GSG1L: variants seen among roughly 807,000 people sequenced by gnomAD.
The protein encoded by GSG1L is GSG1 like, also known as germ cell-specific gene 1-like protein.
GSG1L carries 24 observed loss-of-function variants against 42.1 expected under a neutral mutation model. That is an observed-to-expected ratio of 0.57 (90% CI 0.41 to 0.80). GSG1L has a LOEUF of 0.80. Ranked by LOEUF, GSG1L falls within the 30% of genes least tolerant of loss-of-function variation. GSG1L has a pLI of 0.00. For missense variants in GSG1L, 445 were observed against 472.2 expected (o/e 0.94, Z 0.53); for synonymous variants, 215 against 203.5 (o/e 1.06, Z -0.48).
rs60746199 is a variant in GSG1L at position 27,891,884 on chromosome 16, C to CTTTTTTTTTTT, written c.398-7257_398-7247dup. Among the ~76,000 whole-genome samples, 13 of 74,346 alleles carry CTTTTTTTTTTT rather than the reference C, an allele frequency of 1.7e-4. 4 individuals are homozygous for CTTTTTTTTTTT. The highest frequency in any genetic ancestry group is 7.9e-5 in the Non-Finnish European group (3 of 37,956). The allele number at this position is 74,346 out of a possible 152,430, so 48.8% of individuals were successfully genotyped here. ...TCTGCAGGTACCGTCAGTGACAGAT[C>CTTTTTTTTTTT]TTTTTTTTTTTTTTTTTTTTTTTTA... On this transcript the variant is annotated intron_variant, in intron 2 of 6. Transcript: ENST00000447459.
chr16:27,861,093 TTCGG>T (rs1424132841), intron 3 of GSG1L, among the ~76,000 whole-genome samples: 1 of 152,150 alleles, frequency 6.6e-6, no homozygotes, highest in Non-Finnish European at 1.5e-5. Context: ...GAGGGCCGGG[TTCGG>T]TGGTTCATGC....
chr16:27,832,485 T>C (rs1378239683), intron 4 of GSG1L, among the ~76,000 whole-genome samples: 1 of 152,204 alleles, frequency 6.6e-6, no homozygotes, highest in Non-Finnish European at 1.5e-5. Context: ...ATGTATGGGA[T>C]TGGCTTTTTT....
intron 3 of GSG1L, among the ~76,000 whole-genome samples, chr16:27,859,776 A>G (rs2083620809): frequency 6.6e-6 from 1 of 152,122 alleles, no homozygotes; most frequent in African/African-American, 2.4e-5. Flanking sequence ...CCTGGGCTCA[A>G]GTGATCCTCC....
intron 2 of GSG1L, among the ~76,000 whole-genome samples, chr16:27,895,715 G>A (rs1259123078): frequency 6.6e-6 from 1 of 151,988 alleles, no homozygotes; most frequent in Non-Finnish European, 1.5e-5. Context: ...GTCCCAGAGA[G>A]GGCGAGTGAG....
rs79406334 is a variant in GSG1L, at chr16:27,950,574, G to A, written c.397+12582C>T. On this transcript the variant is annotated intron_variant, in intron 2 of 6. Transcript: ENST00000447459. ...CCAGGTGTGTTTCTCAAGCAAATGC[G>A]TCTCGAGGGATGGCTGAGAAGGAAG... is the stretch of plus-strand genomic sequence containing the variant. Among the ~76,000 whole-genome samples, 27 of 152,158 alleles carry A rather than the reference G, an allele frequency of 1.8e-4. No homozygotes were observed. In the East Asian group the frequency reaches 3.5e-3, roughly 20 times the overall value.
chr16:28,044,951 G>A (rs1296336729), intron 1 of GSG1L, among the ~76,000 whole-genome samples: 1 of 152,152 alleles, frequency 6.6e-6, no homozygotes, highest in Admixed American at 6.6e-5. Flanking sequence ...AAATGAAAAA[G>A]CTAGTCTGAA....
chr16:27,856,459 T>C (rs2083578990), intron 3 of GSG1L, among the ~76,000 whole-genome samples: 1 of 151,976 alleles, frequency 6.6e-6, no homozygotes, highest in Admixed American at 6.6e-5. Flanking sequence ...GACCACAAGG[T>C]GCTCACCACC....
At chr16:27,872,130 C>T (rs1299315180) in intron 3 of GSG1L, among the ~76,000 whole-genome samples, 1 of 152,174 alleles carries the variant, frequency 6.6e-6, no homozygotes, top group Non-Finnish European at 1.5e-5. Flanking sequence ...CCTCTGCTGC[C>T]GTATTCCCTG....
rs1201939276 is a variant in GSG1L, at chr16:27,884,044, A to C, written c.550+442T>G. 6.6e-6 allele frequency among the ~76,000 whole-genome samples: 1 copy of C among 152,216 alleles called. No individual in the cohort carries two copies. The highest frequency in any genetic ancestry group is 2.4e-5 in the African/African-American group (1 of 41,448). On this transcript the variant is annotated intron_variant, in intron 3 of 6. Coordinates refer to ENST00000447459, the MANE Select transcript of GSG1L (RefSeq NM_001109763.2). This position sits in a 1 kb window ranked among gnomAD's most constrained non-coding sequence, Gnocchi z 4.4. ...GGAGTTCTCAAAGCCAGATGAGCTC[A>C]GGAAGAGGAGCGACGTGCCCTCCAC...
chr16:27,984,289 A>G (rs907795924), intron 1 of GSG1L, among the ~76,000 whole-genome samples: 3 of 152,134 alleles, frequency 2.0e-5, no homozygotes, highest in African/African-American at 7.2e-5. Flanking sequence ...ACTGCAGAAC[A>G]TGTAGCAATC....
At chr16:27,876,504 C>A (rs917123820) in intron 3 of GSG1L, among the ~76,000 whole-genome samples, 5 of 152,188 alleles carry the variant, frequency 3.3e-5, no homozygotes, top group Non-Finnish European at 7.3e-5. Flanking sequence ...CACATTCACT[C>A]CTAAAAGGCA....
intron 1 of GSG1L, among the ~76,000 whole-genome samples, chr16:27,963,795 C>T (rs1352686383): frequency 6.6e-6 from 1 of 152,138 alleles, no homozygotes; most frequent in Non-Finnish European, 1.5e-5. Context: ...CTGGAACATG[C>T]TCCCGCTGTT....
rs115200908 is a variant in GSG1L, at chr16:27,807,508, G to A, written c.877C>T (p.Arg293Cys). The A allele has an allele frequency of 2.5e-4, 403 of 1,613,106 alleles. 2 individuals are homozygous for A. In the African/African-American group the frequency reaches 4.6e-3, roughly 18 times the overall value. ...GSEEDFHLDCRHERYPARHQP... is the reference protein window; with the variant it reads ...GSEEDFHLDCCHERYPARHQP... Reference sequence around the variant, plus strand: ...TTACGGGCAGGGTATCTCTCGTGGCGGCAGTCTAAGTGAAAGTCCTCCTCG... The same window carrying A: ...TTACGGGCAGGGTATCTCTCGTGGCAGCAGTCTAAGTGAAAGTCCTCCTCG... Residue 293 changes from arginine to cysteine, a missense_variant, in exon 6 of 7, where the codon CGC becomes TGC. Around this residue, in one of 3 missense-constraint regions of GSG1L, gnomAD observed 140 missense variants for 120.6 expected, o/e 1.16. Transcript: ENST00000447459.
intron 6 of GSG1L, among the ~76,000 whole-genome samples, chr16:27,796,429 A>G (rs527479439): frequency 6.6e-6 from 1 of 152,226 alleles, no homozygotes; most frequent in South Asian, 2.1e-4. Flanking sequence ...AGGTGTCATC[A>G]CATATGGGAA....
At chr16:28,029,608 G>C (rs1302263208) in intron 1 of GSG1L, among the ~76,000 whole-genome samples, 1 of 152,080 alleles carries the variant, frequency 6.6e-6, no homozygotes, top group Non-Finnish European at 1.5e-5. Context: ...TGGATGCACA[G>C]GTGGATGAAT....
At chr16:27,925,780 T>C (rs999779292) in intron 2 of GSG1L, among the ~76,000 whole-genome samples, 1 of 152,090 alleles carries the variant, frequency 6.6e-6, no homozygotes, top group African/African-American at 2.4e-5. Context: ...AGGTGAAAGA[T>C]GGCATCATTA....
intron 1 of GSG1L, among the ~76,000 whole-genome samples, chr16:28,043,990 C>G (rs1463770368): frequency 6.6e-6 from 1 of 151,912 alleles, no homozygotes; most frequent in Non-Finnish European, 1.5e-5. Flanking sequence ...CCATTGCACT[C>G]CAGCCTGGGC....
intron 5 of GSG1L, among the ~76,000 whole-genome samples, chr16:27,817,178 T>C (rs2083104313): frequency 6.6e-6 from 1 of 152,206 alleles, no homozygotes; most frequent in Admixed American, 6.5e-5. Context: ...CAGGGCCGAA[T>C]GTGGCCACAA....
chr16:28,022,603 C>T (rs1183146786), intron 1 of GSG1L, among the ~76,000 whole-genome samples: 1 of 151,852 alleles, frequency 6.6e-6, no homozygotes, highest in African/African-American at 2.4e-5. Flanking sequence ...GCCTCCCAAG[C>T]TGGGAATACA....
Sources: allele counts gnomAD v4.1 joint callset (sites outside exome capture counted in the v4.1 genomes callset), GRCh38; gene constraint gnomAD v4.1.1; regional missense constraint gnomAD v4.1.1; non-coding constraint Gnocchi (gnomAD v3.1); transcripts MANE v1.5; gene names NCBI Gene and HGNC (gene_info 2026-07-23, HGNC 2026-07-21).